Variants in NACC1 observed in about 807,000 individuals in gnomAD.
NACC1 encodes nucleus accumbens associated 1.
A neutral mutation model predicts 41.7 loss-of-function variants in NACC1; 6 were observed. That is an observed-to-expected ratio of 0.14 (90% CI 0.08 to 0.28). NACC1 has a LOEUF of 0.28. NACC1 is among the 10% of genes least tolerant of loss of function. NACC1 has a pLI of 1.00. For missense variants in NACC1, 434 were observed against 763.7 expected (o/e 0.57, Z 5.09); for synonymous variants, 338 against 330.6 (o/e 1.02, Z -0.24).
Position 13,135,883 on chromosome 19 carries a change from C to G in NACC1, c.676C>G (p.Pro226Ala). The change falls in exon 2 of 6, where the codon CCG becomes GCG. Residue 226 changes from proline (P) to alanine (A), a missense_variant. By Grantham distance (27) the Pro-to-Ala change is conservative. Around this residue, in one of 4 missense-constraint regions of NACC1, gnomAD observed 234 missense variants for 308.3 expected, o/e 0.76. Coordinates refer to ENST00000292431, the MANE Select transcript of NACC1 (RefSeq NM_052876.4). ...PHQPPPPQQA[P>A]VVAAAQPAVA... Reference sequence around the variant, plus strand: ...CCAGCCCCCGCCACCCCAACAGGCTCCGGTGGTGGCAGCAGCCCAGCCCGC... The same window carrying G: ...CCAGCCCCCGCCACCCCAACAGGCTGCGGTGGTGGCAGCAGCCCAGCCCGC... The G allele has an allele frequency of 1.3e-6, 2 of 1,558,042 alleles. No homozygotes were observed. Among genetic ancestry groups the G allele is most frequent in the Non-Finnish European group, 1.7e-6 (2 of 1,153,750 alleles).
Position 13,138,175 on chromosome 19 carries a change from C to T in NACC1, c.1353C>T (p.Phe451=). 6.2e-7 allele frequency: 1 copy of T among 1,614,140 alleles called. No homozygotes were observed. ...KYYCQNFAPN[F]KESEMNAIAA... ...ACTGCCAGAACTTCGCCCCCAACTTCAAGGAGAGCGAGATGAATGCCATCG... is the reference window on the plus strand; with the variant it reads ...ACTGCCAGAACTTCGCCCCCAACTTTAAGGAGAGCGAGATGAATGCCATCG... Residue 451 remains phenylalanine (F), a synonymous_variant, in exon 6 of 6, where the codon TTC becomes TTT. Transcript: ENST00000292431. This position sits in a 1 kb window ranked among gnomAD's most constrained non-coding sequence, Gnocchi z 5.7.
chr19:13,129,645 G>A (rs569892116), intron 1 of NACC1, among the ~76,000 whole-genome samples: 1 of 152,196 alleles, frequency 6.6e-6, no homozygotes, highest in South Asian at 2.1e-4. Flanking sequence ...GAGCTCCCGT[G>A]CGCTAATTGG....
Position 13,135,864 on chromosome 19 carries a change from C to T in NACC1, c.657C>T (p.Pro219=), listed in dbSNP as rs947327845. 11 of 1,555,326 alleles carry T rather than the reference C, an allele frequency of 7.1e-6. No individual in the cohort carries two copies. Among genetic ancestry groups the T allele is most frequent in the South Asian group, 4.7e-5 (4 of 85,076 alleles). ...PDLAANRPHQ[P]PPPQQAPVVA... ...TGGCTGCCAACCGGCCTCACCAGCC[C>T]CCGCCACCCCAACAGGCTCCGGTGG... The change falls in exon 2 of 6, where the codon CCC becomes CCT. Residue 219 remains proline (P), a synonymous_variant. Coordinates refer to ENST00000292431, the MANE Select transcript of NACC1 (RefSeq NM_052876.4).
intron 1 of NACC1, among the ~76,000 whole-genome samples, chr19:13,121,236 C>T (rs988282927): frequency 6.6e-6 from 1 of 152,112 alleles, no homozygotes; most frequent in Non-Finnish European, 1.5e-5. Context: ...GTTCTAGGCT[C>T]AGGGGACAGC....
rs980586131 is a variant in NACC1 at position 13,125,079 on chromosome 19, T to A, written c.-9+6625T>A. Reference sequence around the variant, plus strand: ...AGGAGGCTGAGGTGAGAGGATAACTTGAGCCCAGGAGTTTGACGCTATAGT... The same window carrying A: ...AGGAGGCTGAGGTGAGAGGATAACTAGAGCCCAGGAGTTTGACGCTATAGT... On this transcript the variant is annotated intron_variant, in intron 1 of 5. Transcript: ENST00000292431. Among the ~76,000 whole-genome samples, 19 of 152,092 alleles carry A rather than the reference T, an allele frequency of 1.2e-4. 1 individual carries two copies. Among genetic ancestry groups the A allele is most frequent in the Non-Finnish European group, 1.5e-5 (1 of 68,008 alleles).
chr19:13,135,489 G>A lies in NACC1; in HGVS notation c.282G>A (p.Val94=), dbSNP rs148939487. The change falls in exon 2 of 6, where the codon GTG becomes GTA. Residue 94 remains valine (V), a synonymous_variant. Coordinates refer to ENST00000292431, the MANE Select transcript of NACC1 (RefSeq NM_052876.4). ...FCYTGRLSMN[V]GDQFLLMYTA... is the part of the protein sequence containing the mutation. ...ACACGGGCCGGCTGAGCATGAACGTGGGCGACCAGTTCCTGCTCATGTACA... is the reference window on the plus strand; with the variant it reads ...ACACGGGCCGGCTGAGCATGAACGTAGGCGACCAGTTCCTGCTCATGTACA... The A allele has an allele frequency of 2.2e-3, 3,555 of 1,613,770 alleles. 6 individuals are homozygous for A. Among genetic ancestry groups the A allele is most frequent in the Middle Eastern group, 4.0e-3 (24 of 6,062 alleles).
intron 1 of NACC1, among the ~76,000 whole-genome samples, chr19:13,124,948 G>C (rs544453343): frequency 6.6e-6 from 1 of 151,902 alleles, no homozygotes; most frequent in Non-Finnish European, 1.5e-5. Flanking sequence ...TTTTTCACCC[G>C]TGACACAGCC....
In NACC1 at chr19:13,135,572, A is replaced by G. The variant is rs1009493804; in HGVS notation, c.365A>G (p.Lys122Arg). 9 of 1,605,592 alleles carry G rather than the reference A, an allele frequency of 5.6e-6. No individual in the cohort carries two copies. The highest frequency in any genetic ancestry group is 7.6e-6 in the Non-Finnish European group (9 of 1,177,038). Residue 122 changes from lysine (K) to arginine (R), a missense_variant, in exon 2 of 6, where the codon AAG becomes AGG. By Grantham distance (26) the Lys-to-Arg change is conservative. Transcript: ENST00000292431. Reference sequence around the variant, plus strand: ...GAGAAGGGCACCGAGTTCTTCCTCAAGGTGAGCTCCCCGAGCTGCGACTCC... The same window carrying G: ...GAGAAGGGCACCGAGTTCTTCCTCAGGGTGAGCTCCCCGAGCTGCGACTCC... The part of the protein sequence containing the change: ...IMEKGTEFFL[K>R]VSSPSCDSQG...
Position 13,124,305 on chromosome 19 carries a change from C to G in NACC1, c.-9+5851C>G, listed in dbSNP as rs190153793. ...ATCCTAGCTACTCAGGAGGCGGAGG[C>G]ACGAGAATTGCTTGAACCCAGGAGG... On this transcript the variant is annotated intron_variant, in intron 1 of 5. Transcript: ENST00000292431. Among the ~76,000 whole-genome samples the G allele has an allele frequency of 5.3e-5, 8 of 152,078 alleles. No individual in the cohort carries two copies. In the East Asian group the frequency reaches 1.5e-3, roughly 29 times the overall value.
At chr19:13,120,400 T>G (rs2019474102) in intron 1 of NACC1, among the ~76,000 whole-genome samples, 1 of 152,232 alleles carries the variant, frequency 6.6e-6, no homozygotes, top group African/African-American at 2.4e-5. Flanking sequence ...AGGGTGTCCT[T>G]GGGACTTTGA....
chr19:13,119,964 A>G (rs2019468487), intron 1 of NACC1, among the ~76,000 whole-genome samples: 1 of 152,040 alleles, frequency 6.6e-6, no homozygotes, highest in Non-Finnish European at 1.5e-5. Flanking sequence ...CTGAACTGGG[A>G]TTGTCTGACC....
chr19:13,122,884 A>G (rs1395146655), intron 1 of NACC1, among the ~76,000 whole-genome samples: 1 of 152,120 alleles, frequency 6.6e-6, no homozygotes, highest in Non-Finnish European at 1.5e-5. Context: ...GGCATTCATG[A>G]GCACCGACTA....
chr19:13,138,026 G>A lies in NACC1; in HGVS notation c.1325-121G>A, dbSNP rs949929222. 1.5e-5 allele frequency: 21 copies of A among 1,429,448 alleles called. No individual in the cohort carries two copies. The highest frequency in any genetic ancestry group is 2.6e-5 in the South Asian group (2 of 77,648). The allele number at this position is 1,429,448 out of a possible 1,614,324, so 88.5% of individuals were successfully genotyped here. A position where few individuals can be genotyped will look rare whatever the true frequency, so the allele number is the denominator to read the frequency against. ...GTGCACGTAGTGTGGTGTCCTGGCC[G>A]CGTGGCCTCACTCGTTTCCCCTTTG... On this transcript the variant is annotated intron_variant, in intron 5 of 5. Transcript: ENST00000292431. This position sits in a 1 kb window ranked among gnomAD's most constrained non-coding sequence, Gnocchi z 5.7.
intron 1 of NACC1, among the ~76,000 whole-genome samples, chr19:13,132,593 C>G (rs962000109): frequency 1.3e-5 from 2 of 151,990 alleles, no homozygotes; most frequent in Non-Finnish European, 2.9e-5. Context: ...GCCCTGAAGT[C>G]TTGCTAAGAG....
chr19:13,129,370 C>T (rs1476437030), intron 1 of NACC1, among the ~76,000 whole-genome samples: 1 of 152,146 alleles, frequency 6.6e-6, no homozygotes, highest in Non-Finnish European at 1.5e-5. Flanking sequence ...AGCTCCCTTC[C>T]TGGGGCTAGC....
rs2145606723 is a variant in NACC1 at position 13,118,472 on chromosome 19, A to C, written c.-9+18A>C. 6.6e-6 allele frequency: 1 copy of C among 150,484 alleles called. No homozygotes were observed. Among genetic ancestry groups the C allele is most frequent in the African/African-American group, 2.4e-5 (1 of 41,290 alleles). The allele number at this position is 150,484 out of a possible 1,614,324, so 9.3% of individuals were successfully genotyped here. A position where few individuals can be genotyped will look rare whatever the true frequency, so the allele number is the denominator to read the frequency against. ...CGGCGCAGGTGAGGCGGCCCGCCTC[A>C]GGCCCGGTTCCGGCCTCCTCCAGCC... On this transcript the variant is annotated intron_variant, in intron 1 of 5. Coordinates refer to ENST00000292431, the MANE Select transcript of NACC1 (RefSeq NM_052876.4).
At chr19:13,131,413 T>C (rs767025596) in intron 1 of NACC1, among the ~76,000 whole-genome samples, 5 of 152,168 alleles carry the variant, frequency 3.3e-5, no homozygotes, top group Admixed American at 6.5e-5. Flanking sequence ...TGGGCCCCAG[T>C]ACCAGGGGTG....
chr19:13,131,367 C>T (rs1361499882), intron 1 of NACC1, among the ~76,000 whole-genome samples: 1 of 152,206 alleles, frequency 6.6e-6, no homozygotes, highest in Non-Finnish European at 1.5e-5. Flanking sequence ...ACTGGGATGC[C>T]AGCCTCTTCC....
intron 1 of NACC1, among the ~76,000 whole-genome samples, chr19:13,133,513 G>A (rs1447030105): frequency 6.6e-6 from 1 of 151,786 alleles, no homozygotes; most frequent in African/African-American, 2.4e-5. Flanking sequence ...TCCTATAAAT[G>A]GATCATACAA....
Sources: gnomAD v4.1 joint callset for allele counts (sites outside exome capture counted in the v4.1 genomes callset) on GRCh38, gnomAD v4.1.1 for gene constraint, gnomAD v4.1.1 regional missense constraint, Gnocchi (gnomAD v3.1) non-coding constraint, MANE v1.5 for transcripts, NCBI Gene and HGNC (gene_info 2026-07-23, HGNC 2026-07-21) for gene names.